SLAMF9: variants seen among roughly 807,000 people sequenced by gnomAD.
SLAMF9 encodes the protein SLAM family member 9.
Under a neutral mutation model 30.4 loss-of-function variants are expected in SLAMF9, and 25 were observed. The ratio of observed to expected loss-of-function variants is 0.82; its 90% CI spans 0.60 to 1.15. The LOEUF is 1.15. SLAMF9 is among the 50% of genes most tolerant of loss of function. The pLI is 0.00. For synonymous variants in SLAMF9, 129 were observed against 127.2 expected (o/e 1.01, Z -0.09); for missense variants, 344 against 346.1 (o/e 0.99, Z 0.05).
At chr1:159,956,344 C>T (rs186824987), upstream of SLAMF9, among the ~76,000 whole-genome samples, 2 of 152,176 alleles carry the variant, frequency 1.3e-5, no homozygotes, top group Admixed American at 6.5e-5. Flanking sequence ...GTGATGCATG[C>T]CTGTAATCCT....
chr1:159,977,207 A>T, the SLAMF9 span: 28 of 152,222 alleles, frequency 1.8e-4, no homozygotes, highest in Admixed American at 1.8e-3. Flanking sequence ...ATGAGGAAGG[A>T]TAAACCCTAT....
At chr1:159,982,335 C>T in the SLAMF9 span, among the ~76,000 whole-genome samples, 1 of 152,128 alleles carries the variant, frequency 6.6e-6, no homozygotes, top group African/African-American at 2.4e-5. Flanking sequence ...ACGTCAATGC[C>T]GCTTCACATC....
the SLAMF9 span, among the ~76,000 whole-genome samples, chr1:159,977,616 C>A: frequency 1.3e-5 from 2 of 152,168 alleles, no homozygotes; most frequent in Non-Finnish European, 2.9e-5. Flanking sequence ...AAGAAAATGA[C>A]CAAAGAAAAG....
Position 159,952,426 on chromosome 1 carries a change from T to A in SLAMF9, c.500A>T (p.Tyr167Phe), listed in dbSNP as rs1348361835. Residue 167 changes from tyrosine (Y) to phenylalanine (F), a missense_variant, in exon 3 of 4, where the codon TAC becomes TTC. Physicochemically the swap from Tyr to Phe is conservative, Grantham distance 22 (BLOSUM62 3). Transcript: ENST00000368093. ...SVEKAGMDMTYSWLSRGDSTY... is the reference protein window; with the variant it reads ...SVEKAGMDMTFSWLSRGDSTY... The stretch of plus-strand genomic sequence containing the variant: ...GCTATCCCCCCGGGAGAGCCAGCTG[T>A]AGGTCATATCCATGCCTGCCTTCTC... 1 of 1,614,100 alleles carries A rather than the reference T, an allele frequency of 6.2e-7. No individual in the cohort carries two copies. The highest frequency in any genetic ancestry group is 1.7e-5 in the Admixed American group (1 of 60,024).
the SLAMF9 span, among the ~76,000 whole-genome samples, chr1:159,967,137 C>T: frequency 3.3e-5 from 5 of 152,138 alleles, no homozygotes; most frequent in South Asian, 2.1e-4. Context: ...AAGTCTTTCC[C>T]GTTTTGAGTT....
upstream of SLAMF9, chr1:159,954,263 T>A (rs1557943743): frequency 3.6e-6 from 4 of 1,099,650 alleles, no homozygotes; most frequent in East Asian, 1.1e-4. Context: ...AGGGAAATAA[T>A]TTTCCCCTGA....
the SLAMF9 span, among the ~76,000 whole-genome samples, chr1:159,963,693 C>T: frequency 3.6e-3 from 546 of 152,266 alleles, 2 homozygotes; most frequent in South Asian, 4.6e-3. Context: ...TGTCCTGTGA[C>T]TCCCTGATGC....
the SLAMF9 span, chr1:159,973,296 G>T: frequency 1.5e-6 from 1 of 657,388 alleles, no homozygotes. Context: ...GGAGATGCAG[G>T]CCCAGGGCTC....
At chr1:159,966,166 A>T in the SLAMF9 span, among the ~76,000 whole-genome samples, 2 of 152,094 alleles carry the variant, frequency 1.3e-5, no homozygotes, top group Non-Finnish European at 2.9e-5. Flanking sequence ...TACAAATTCA[A>T]CTTTTTTTAT....
the SLAMF9 span, chr1:159,965,374 C>T: frequency 2.6e-5 from 4 of 152,212 alleles, no homozygotes. Context: ...CCTGACATTC[C>T]CTCCCTGTAC....
the SLAMF9 span, chr1:159,974,038 T>A: frequency 6.2e-7 from 1 of 1,604,736 alleles, no homozygotes; most frequent in Non-Finnish European, 8.5e-7. Flanking sequence ...AACACAGGGT[T>A]TGGCCAGGCT....
At chr1:159,969,269 G>A in the SLAMF9 span, among the ~76,000 whole-genome samples, 2 of 137,346 alleles carry the variant, frequency 1.5e-5, no homozygotes, top group African/African-American at 2.6e-5. Context: ...TGGGGGGGAT[G>A]GATAAGGGGG....
At chr1:159,972,807 T>C in the SLAMF9 span, 2 of 823,872 alleles carry the variant, frequency 2.4e-6, no homozygotes, top group Non-Finnish European at 3.4e-6. Flanking sequence ...AGCGGGACCG[T>C]GGTGCAGAGT....
chr1:159,979,659 CTTT>C, the SLAMF9 span, among the ~76,000 whole-genome samples: 2 of 143,200 alleles, frequency 1.4e-5, no homozygotes, highest in African/African-American at 2.5e-5. Flanking sequence ...GTAAGGCAAT[CTTT>C]TTTTTTTTTT....
chr1:159,978,320 A>T, the SLAMF9 span, among the ~76,000 whole-genome samples: 1 of 152,106 alleles, frequency 6.6e-6, no homozygotes, highest in Non-Finnish European at 1.5e-5. Context: ...GGAGACCTTG[A>T]CTTTGGGGTT....
At chr1:159,971,983 C>T in the SLAMF9 span, among the ~76,000 whole-genome samples, 4 of 152,166 alleles carry the variant, frequency 2.6e-5, no homozygotes, top group Non-Finnish European at 5.9e-5. Context: ...CACAGAGCTC[C>T]CTCTGCAGAA....
the SLAMF9 span, among the ~76,000 whole-genome samples, chr1:159,971,930 C>G: frequency 6.6e-6 from 1 of 152,124 alleles, no homozygotes; most frequent in Non-Finnish European, 1.5e-5. Context: ...CTTACCCCCG[C>G]CACCAAAACA....
upstream of SLAMF9, chr1:159,954,367 T>C: frequency 2.5e-6 from 1 of 401,422 alleles, no homozygotes; most frequent in South Asian, 4.8e-5. Context: ...GTCATGACAG[T>C]TTACTCACTG....
chr1:159,973,795 T>G, the SLAMF9 span: 33 of 1,613,584 alleles, frequency 2.0e-5, no homozygotes, highest in Non-Finnish European at 2.8e-5. Flanking sequence ...GCTGGTGACT[T>G]ACCTTGGACT....
Sources: allele counts gnomAD v4.1 joint callset (sites outside exome capture counted in the v4.1 genomes callset), GRCh38; gene constraint gnomAD v4.1.1; transcripts MANE v1.5; gene names NCBI Gene and HGNC (gene_info 2026-07-23, HGNC 2026-07-21).